The following POC1B variants were observed in gnomAD, a reference collection of about 807,000 sequenced individuals.
POC1B encodes the protein POC1 centriolar protein homolog B.
In POC1B, 44 loss-of-function variants were observed where a neutral mutation model predicts 60.6. That is an observed-to-expected ratio of 0.73 (90% CI 0.57 to 0.93). The LOEUF (loss-of-function observed/expected upper bound fraction) is 0.93. Ranked by LOEUF, POC1B falls within the 40% of genes least tolerant of loss-of-function variation. The pLI is 0.00. For synonymous variants in POC1B, 180 were observed against 198.9 expected (o/e 0.90, Z 0.80); for missense variants, 555 against 572.3 (o/e 0.97, Z 0.31).
chr12:89,402,407 G>T, the POC1B span, among the ~76,000 whole-genome samples: 1 of 151,716 alleles, frequency 6.6e-6, no homozygotes, highest in Non-Finnish European at 1.5e-5. Flanking sequence ...AGGGGTACAT[G>T]TGAATGTTTG....
At chr12:89,491,698 G>A (rs554724425) in intron 4 of POC1B, among the ~76,000 whole-genome samples, 1 of 149,980 alleles carries the variant, frequency 6.7e-6, no homozygotes, top group South Asian at 2.1e-4. Flanking sequence ...TTTCTCCATA[G>A]TGCTTACTGC....
In POC1B at chr12:89,451,870, G is replaced by C. The variant is rs140953265; in HGVS notation, c.1113+7768C>G. 2.9e-3 allele frequency among the ~76,000 whole-genome samples: 447 copies of C among 152,288 alleles called. 3 individuals are homozygous for C. The highest frequency in any genetic ancestry group is 0.011 in the African/African-American group (438 of 41,560). The stretch of plus-strand genomic sequence containing the variant: ...GTATAGATGTGCAGAACAGTTGAAA[G>C]CTAAGTTCACTATTTTCCGTGAAGC... On this transcript the variant is annotated intron_variant, in intron 10 of 11. Coordinates refer to ENST00000313546, the MANE Select transcript of POC1B (RefSeq NM_172240.3).
intron 2 of POC1B, chr12:89,524,135 C>G (rs754037235): frequency 1.5e-5 from 24 of 1,613,882 alleles, no homozygotes; most frequent in Non-Finnish European, 2.0e-5. Context: ...GCAATGATAA[C>G]AGAGGTGGTA....
intron 2 of POC1B, chr12:89,524,666 G>A: frequency 9.1e-7 from 1 of 1,102,824 alleles, no homozygotes. Flanking sequence ...TTTCATGCAG[G>A]CGCTAGGCTC....
chr12:89,482,298 G>GA, intron 4 of POC1B, among the ~76,000 whole-genome samples: 1 of 152,106 alleles, frequency 6.6e-6, no homozygotes, highest in African/African-American at 2.4e-5. Flanking sequence ...AGCACAGGGA[G>GA]AAAAAATGGA....
the POC1B span, among the ~76,000 whole-genome samples, chr12:89,411,359 G>C: frequency 6.6e-6 from 1 of 152,140 alleles, no homozygotes; most frequent in Non-Finnish European, 1.5e-5. Flanking sequence ...ACGCTGCCTA[G>C]AATTTTATCA....
intron 4 of POC1B, among the ~76,000 whole-genome samples, chr12:89,480,007 G>A (rs765632392): frequency 6.6e-6 from 1 of 152,030 alleles, no homozygotes; most frequent in Non-Finnish European, 1.5e-5. Context: ...TTTATTGTAA[G>A]TTCTCATATA....
intron 2 of POC1B, chr12:89,524,620 C>T (rs925033931): frequency 1.7e-5 from 25 of 1,509,022 alleles, no homozygotes; most frequent in Non-Finnish European, 2.0e-5. Flanking sequence ...GCGGAACCCA[C>T]AGCTCGAGCT....
intron 2 of POC1B, among the ~76,000 whole-genome samples, chr12:89,516,526 G>C (rs1870449273): frequency 6.6e-6 from 1 of 152,114 alleles, no homozygotes; most frequent in Non-Finnish European, 1.5e-5. Flanking sequence ...CCATATAGTA[G>C]CCAGAGTGGT....
At chr12:89,523,895 T>C in intron 2 of POC1B, 1 of 1,584,558 alleles carries the variant, frequency 6.3e-7, no homozygotes, top group Non-Finnish European at 8.6e-7. Flanking sequence ...ACGTCCCCAG[T>C]GGCGAAAGTG....
At chr12:89,501,739 A>G in intron 2 of POC1B, 1 of 922,536 alleles carries the variant, frequency 1.1e-6, no homozygotes. Context: ...CAATTCTTCA[A>G]TAAGAAATGA....
intron 2 of POC1B, chr12:89,502,684 A>G: frequency 3.0e-6 from 4 of 1,330,048 alleles, no homozygotes; most frequent in Non-Finnish European, 4.3e-6. Flanking sequence ...AGTTGAAGGT[A>G]TATAACACAT....
intron 4 of POC1B, among the ~76,000 whole-genome samples, chr12:89,481,647 C>T (rs1415784828): frequency 1.3e-5 from 2 of 152,114 alleles, no homozygotes; most frequent in African/African-American, 4.8e-5. Flanking sequence ...AAAAAATTTA[C>T]AAGGAACCCC....
chr12:89,476,697 AATAGATAGATAG>A (rs754459068), intron 4 of POC1B, among the ~76,000 whole-genome samples: 14,546 of 139,858 alleles, frequency 0.1, 892 homozygotes, highest in Admixed American at 0.15. Context: ...AGACTGTCTC[AATAGATAGATAG>A]ATAGATAGAT....
intron 4 of POC1B, among the ~76,000 whole-genome samples, chr12:89,473,932 C>T (rs1353865416): frequency 3.3e-5 from 5 of 152,000 alleles, no homozygotes; most frequent in Admixed American, 1.3e-4. Flanking sequence ...TGGCCAGGCG[C>T]GGTGGCTCAT....
intron 1 of POC1B, chr12:89,525,549 T>TA: frequency 7.9e-7 from 1 of 1,272,826 alleles, no homozygotes; most frequent in Non-Finnish European, 9.9e-7. Flanking sequence ...TCGGCTTTGG[T>TA]ACTTTTTTTT....
At chr12:89,404,987 C>A in the POC1B span, among the ~76,000 whole-genome samples, 687 of 152,320 alleles carry the variant, frequency 4.5e-3, 6 homozygotes, top group African/African-American at 0.016. Context: ...AGATCAGTGG[C>A]AACCCATGGT....
chr12:89,505,138 A>T (rs922450772), intron 2 of POC1B, among the ~76,000 whole-genome samples: 1 of 152,336 alleles, frequency 6.6e-6, no homozygotes, highest in African/African-American at 2.4e-5. Flanking sequence ...ACAATGAGAT[A>T]TCCGTGCACA....
chr12:89,523,128 C>T (rs368664850), intron 2 of POC1B: 1 of 1,613,780 alleles, frequency 6.2e-7, no homozygotes, highest in Non-Finnish European at 8.5e-7. Context: ...GGCATCCAAA[C>T]AGTGAAAGGT....
Sources: gnomAD v4.1 joint callset for allele counts (sites outside exome capture counted in the v4.1 genomes callset) on GRCh38, gnomAD v4.1.1 for gene constraint, MANE v1.5 for transcripts, NCBI Gene and HGNC (gene_info 2026-07-23, HGNC 2026-07-21) for gene names.